The following AKAP1 variants were observed in gnomAD, a reference collection of about 807,000 sequenced individuals.
The protein encoded by AKAP1 is A-kinase anchoring protein 1.
Under a neutral mutation model 79.8 loss-of-function variants are expected in AKAP1, and 32 were observed. The observed-to-expected ratio is 0.40, with a 90% CI of 0.30 to 0.54. The LOEUF is 0.54. Among genes scored for constraint, AKAP1 ranks in the 20% least tolerant of loss-of-function variants. The pLI is 0.47. For synonymous variants in AKAP1, 416 were observed against 466.7 expected (o/e 0.89, Z 1.40); for missense variants, 961 against 1,138.9 (o/e 0.84, Z 2.25).
rs1436187629 is a variant in AKAP1 at position 57,105,996 on chromosome 17, G to A, written c.532G>A (p.Val178Ile). 1 of 1,614,046 alleles carries A rather than the reference G, an allele frequency of 6.2e-7. No individual in the cohort carries two copies. Among genetic ancestry groups the A allele is most frequent in the Non-Finnish European group, 8.5e-7 (1 of 1,180,044 alleles). The change falls in exon 2 of 11, where the codon GTC (valine) becomes ATC (isoleucine). Residue 178 changes from valine (V) to isoleucine (I), a missense_variant. Val to Ile is a conservative substitution (Grantham distance 29). This residue lies in a region of AKAP1 where 224 missense variants were observed against 210.2 expected (regional missense o/e 1.07). Transcript: ENST00000337714. The stretch of plus-strand genomic sequence containing the variant: ...CCCCTTCAGCAGGGTGCCAAGGAAG[G>A]TCCAGCCAGGCTACCCCGTAGTCCC... ...DSPFSRVPRK[V>I]QPGYPVVPAE...
Position 57,086,364 on chromosome 17 carries a change from C to A in AKAP1, c.-25+966C>A. ...GCCCTAGCTGAAGGTCTTCCTGTTTCCCTTCCAGGGAGGGATAGGAGAAGA... is the reference window on the plus strand; with the variant it reads ...GCCCTAGCTGAAGGTCTTCCTGTTTACCTTCCAGGGAGGGATAGGAGAAGA... On this transcript the variant is annotated intron_variant, in intron 1 of 10. Coordinates refer to ENST00000337714, the MANE Select transcript of AKAP1 (RefSeq NM_003488.4). The surrounding 1 kb of genome is among the most constrained non-coding windows in gnomAD (Gnocchi z 5.1). 1 of 450,226 alleles carries A rather than the reference C, an allele frequency of 2.2e-6. No homozygotes were observed. Among genetic ancestry groups the A allele is most frequent in the Non-Finnish European group, 4.4e-6 (1 of 224,818 alleles). The allele number at this position is 450,226 out of a possible 1,614,324, so 27.9% of individuals were successfully genotyped here. A position where few individuals can be genotyped will look rare whatever the true frequency, so the allele number is the denominator to read the frequency against.
chr17:57,111,708 A>G, intron 3 of AKAP1, 90 bp from the exon 4 acceptor site: 1 of 1,497,180 alleles, frequency 6.7e-7, no homozygotes, highest in Non-Finnish European at 9.2e-7. Flanking sequence ...ATGTTTGAGC[A>G]TGATCTTGTG....
In AKAP1 at chr17:57,121,263, TTTGA is replaced by T. The variant is rs1176473856; in HGVS notation, c.*942_*945del. 3 of 151,834 alleles carry T rather than the reference TTTGA, an allele frequency of 2.0e-5. No homozygotes were observed. Among genetic ancestry groups the T allele is most frequent in the African/African-American group, 4.9e-5 (2 of 41,204 alleles). The allele number at this position is 151,834 out of a possible 1,614,324, so 9.4% of individuals were successfully genotyped here. On this transcript the variant is annotated 3_prime_UTR_variant, in exon 11 of 11. Transcript: ENST00000337714. ...CATTGAATTAACTTGCAGTGGTGTG[TTTGA>T]TTCTTTTTTAGACTGGCTTCAGCAT...
At chr17:57,111,756 GTTTCCC>G in intron 3 of AKAP1, 36 bp from the exon 4 acceptor site, 1 of 1,607,728 alleles carries the variant, frequency 6.2e-7, no homozygotes. Flanking sequence ...CAGGGAATTG[GTTTCCC>G]TTTAACCCTC....
At chr17:57,108,016 C>T (rs1294005857) in intron 2 of AKAP1, 1 of 1,280,574 alleles carries the variant, frequency 7.8e-7, no homozygotes, top group African/African-American at 1.5e-5. Context: ...AGTGCTGACC[C>T]CAGCGTAGAC....
intron 6 of AKAP1, among the ~76,000 whole-genome samples, chr17:57,115,010 T>G (rs780973360): frequency 1.3e-5 from 2 of 152,168 alleles, no homozygotes; most frequent in Admixed American, 6.5e-5. Context: ...ATACTGTATG[T>G]ATTACATATA....
intron 2 of AKAP1, among the ~76,000 whole-genome samples, chr17:57,108,579 G>A (rs539170229): frequency 1.3e-5 from 2 of 152,356 alleles, no homozygotes; most frequent in South Asian, 4.1e-4. Context: ...CTAAGCCGTG[G>A]TGATGGGCAG....
At chr17:57,107,293 C>A in intron 2 of AKAP1, 115 bp downstream of exon 2, 1 of 1,438,290 alleles carries the variant, frequency 7.0e-7, no homozygotes, top group Non-Finnish European at 9.4e-7. Context: ...TAGTGCTCTT[C>A]AGCTCTTTAT....
intron 5 of AKAP1, among the ~76,000 whole-genome samples, chr17:57,113,573 G>T (rs1372910776): frequency 6.7e-6 from 1 of 149,738 alleles, no homozygotes; most frequent in African/African-American, 2.5e-5. Context: ...TTCCCAGGAG[G>T]CTCGGTCGTA....
Position 57,105,677 on chromosome 17 carries a change from C to T in AKAP1, c.213C>T (p.Pro71=), listed in dbSNP as rs1263472173. 6.2e-7 allele frequency: 1 copy of T among 1,614,068 alleles called. No homozygotes were observed. The highest frequency in any genetic ancestry group is 2.2e-5 in the East Asian group (1 of 44,902). Reference sequence around the variant, plus strand: ...TCTGTCCCAAAGTAGTGTCCACACCCCCCAGTGTCACAGAGCCTCCAGAAA... The same window carrying T: ...TCTGTCCCAAAGTAGTGTCCACACCTCCCAGTGTCACAGAGCCTCCAGAAA... ...EDVCPKVVST[P]PSVTEPPEKE... is the part of the protein sequence containing the mutation. The change falls in exon 2 of 11, where the codon CCC becomes CCT. Residue 71 remains proline (P), a synonymous_variant. Coordinates refer to ENST00000337714, the MANE Select transcript of AKAP1 (RefSeq NM_003488.4).
chr17:57,106,396 A>G lies in AKAP1; in HGVS notation c.932A>G (p.Asp311Gly), dbSNP rs1914869569. 7.1e-7 allele frequency: 1 copy of G among 1,410,310 alleles called. No individual in the cohort carries two copies. The highest frequency in any genetic ancestry group is 1.8e-5 in the Admixed American group (1 of 56,534). 87.4% of individuals were successfully genotyped at this position (1,410,310 alleles called of 1,614,324 possible). A position where few individuals can be genotyped will look rare whatever the true frequency, so the allele number is the denominator to read the frequency against. ...EGELGNEESL[D>G]RNEEGLDRNE... ...GAACTGGGCAATGAGGAGAGCTTGGATAGAAATGAGGAGGGCTTGGATAGA... is the reference window on the plus strand; with the variant it reads ...GAACTGGGCAATGAGGAGAGCTTGGGTAGAAATGAGGAGGGCTTGGATAGA... The change falls in exon 2 of 11, where the codon GAT (aspartate) becomes GGT (glycine). Residue 311 changes from aspartate (D) to glycine (G), a missense_variant. Physicochemically the swap from Asp to Gly is moderately conservative, Grantham distance 94. This residue lies in a region of AKAP1 where 629 missense variants were observed against 781.1 expected (regional missense o/e 0.81). Coordinates refer to ENST00000337714, the MANE Select transcript of AKAP1 (RefSeq NM_003488.4).
At position 57,086,500 on chromosome 17, in the gene AKAP1, T is replaced by A. The variant is rs1327068989; in HGVS notation, c.-25+1102T>A. The A allele has an allele frequency of 6.6e-6, 3 of 451,302 alleles. No individual in the cohort carries two copies. In the East Asian group the frequency reaches 2.1e-4, roughly 32 times the overall value. The allele number at this position is 451,302 out of a possible 1,614,324, so 28.0% of individuals were successfully genotyped here. ...GATGTCCTGGGTGGCGGCGCCTTCC[T>A]GCCGCCGTTAACACAAACCCGGTGG... On this transcript the variant is annotated intron_variant, in intron 1 of 10. Transcript: ENST00000337714. The surrounding 1 kb of genome is among the most constrained non-coding windows in gnomAD (Gnocchi z 5.1).
At chr17:57,104,881 T>C (rs568421817) in intron 1 of AKAP1, among the ~76,000 whole-genome samples, 1 of 152,378 alleles carries the variant, frequency 6.6e-6, no homozygotes, top group African/African-American at 2.4e-5. Context: ...TGTTGGTCCC[T>C]CACCCTGGAG....
intron 6 of AKAP1, 149 bp downstream of exon 6, chr17:57,114,785 C>T (rs915038593): frequency 1.3e-5 from 12 of 908,944 alleles, no homozygotes; most frequent in Middle Eastern, 6.8e-4. Flanking sequence ...GGGTGGGTTT[C>T]CTGGCAAGGC....
chr17:57,107,707 C>G (rs1914984374), intron 2 of AKAP1, among the ~76,000 whole-genome samples: 2 of 151,830 alleles, frequency 1.3e-5, no homozygotes, highest in African/African-American at 4.8e-5. Context: ...AATGGAGAGG[C>G]CTCCTTAGCT....
At chr17:57,109,953 G>A in intron 2 of AKAP1, 72 bp from the exon 3 acceptor site, 1 of 1,571,136 alleles carries the variant, frequency 6.4e-7, no homozygotes, top group Non-Finnish European at 8.6e-7. Context: ...TGTGAGTTTG[G>A]GAAGTTCTTG....
chr17:57,111,373 G>A (rs1268826212), intron 3 of AKAP1, among the ~76,000 whole-genome samples: 2 of 152,170 alleles, frequency 1.3e-5, no homozygotes, highest in Non-Finnish European at 1.5e-5. Context: ...TGAGGGAGAG[G>A]GGCACGAGAA....
At position 57,086,286 on chromosome 17, in the gene AKAP1, A is replaced by G; in HGVS notation, c.-25+888A>G. 2.6e-6 allele frequency: 1 copy of G among 385,380 alleles called. No homozygotes were observed. Among genetic ancestry groups the G allele is most frequent in the Non-Finnish European group, 5.2e-6 (1 of 193,816 alleles). 23.9% of individuals were successfully genotyped at this position (385,380 alleles called of 1,614,324 possible). Reference sequence around the variant, plus strand: ...TTTTGGGGTTACGATGTGCTAGGAGAGGCAGTGGCTGGATGCCTCGAACGC... The same window carrying G: ...TTTTGGGGTTACGATGTGCTAGGAGGGGCAGTGGCTGGATGCCTCGAACGC... On this transcript the variant is annotated intron_variant, in intron 1 of 10. Transcript: ENST00000337714. This position sits in a 1 kb window ranked among gnomAD's most constrained non-coding sequence, Gnocchi z 5.1.
At chr17:57,100,902 G>T (rs1914467951) in intron 1 of AKAP1, among the ~76,000 whole-genome samples, 1 of 152,142 alleles carries the variant, frequency 6.6e-6, no homozygotes, top group Non-Finnish European at 1.5e-5. Context: ...GGTGGCGCAT[G>T]CCTGTAATGT....
Sources: allele counts gnomAD v4.1 joint callset (sites outside exome capture counted in the v4.1 genomes callset), GRCh38; gene constraint gnomAD v4.1.1; regional missense constraint gnomAD v4.1.1; non-coding constraint Gnocchi (gnomAD v3.1); transcripts MANE v1.5; gene names NCBI Gene and HGNC (gene_info 2026-07-23, HGNC 2026-07-21).